The following MYBPC1 variants were observed in gnomAD, a reference collection of about 807,000 sequenced individuals.
The protein encoded by MYBPC1 is myosin-binding protein C, slow-type.
A neutral mutation model predicts 147.1 loss-of-function variants in MYBPC1; 52 were observed. The ratio of observed to expected loss-of-function variants is 0.35; its 90% CI spans 0.28 to 0.45. MYBPC1 has a LOEUF of 0.45. MYBPC1 is among the 20% of genes least tolerant of loss of function. MYBPC1 has a pLI of 1.00. For synonymous variants in MYBPC1, 477 were observed against 475.9 expected (o/e 1.00, Z -0.03); for missense variants, 1,228 against 1,440.3 (o/e 0.85, Z 2.39).
the MYBPC1 span, among the ~76,000 whole-genome samples, chr12:101,691,055 C>T: frequency 6.6e-5 from 10 of 152,032 alleles, no homozygotes; most frequent in Non-Finnish European, 1.2e-4. Flanking sequence ...GCAAGCCTAG[C>T]CAGGTGATTT....
chr12:101,616,123 A>G (rs1885994156), intron 2 of MYBPC1, among the ~76,000 whole-genome samples: 1 of 152,176 alleles, frequency 6.6e-6, no homozygotes, highest in Admixed American at 6.5e-5. Flanking sequence ...AAGTATTACT[A>G]TGTGTCGAAA....
At chr12:101,651,153 A>G (rs570659990) in intron 15 of MYBPC1, 78 bp from the exon 16 acceptor site, 99 of 1,474,780 alleles carry the variant, frequency 6.7e-5, no homozygotes, top group Middle Eastern at 5.1e-4. Flanking sequence ...AGAGCTCACT[A>G]TACCATTGTG....
the MYBPC1 span, among the ~76,000 whole-genome samples, chr12:101,691,264 G>A: frequency 1.3e-5 from 2 of 152,208 alleles, no homozygotes; most frequent in Admixed American, 1.3e-4. Flanking sequence ...TAGCGACTGG[G>A]CTTCACCGTT....
At chr12:101,676,311 C>T (rs11611478) in intron 26 of MYBPC1, among the ~76,000 whole-genome samples, 22,252 of 152,092 alleles carry the variant, frequency 0.15, 2,059 homozygotes, top group East Asian at 0.29. Context: ...GATTTTCTCA[C>T]GCCTGAAATC....
At chr12:101,668,036 A>G in intron 23 of MYBPC1, 137 bp downstream of exon 23, 1 of 1,026,222 alleles carries the variant, frequency 9.7e-7, no homozygotes, top group Admixed American at 2.1e-5. Flanking sequence ...AATGCTTCCT[A>G]AGAGTTAGAA....
At chr12:101,647,057 C>G (rs1204908431) in intron 13 of MYBPC1, 170 bp downstream of exon 13, 3 of 785,676 alleles carry the variant, frequency 3.8e-6, no homozygotes, top group East Asian at 5.4e-5. Context: ...GAAAGAGAAC[C>G]TGTTGAGTAC....
At position 101,629,494 on chromosome 12, in the gene MYBPC1, A is replaced by G. The variant is rs752614924; in HGVS notation, c.239A>G (p.Gln80Arg). ...EEQAKQNANS[Q>R]LSILFIEKPQ... ...CAAGCCAAGCAGAATGCCAACTCCC[A>G]GCTGTCCATCTTGTTCATTGAAAAA... Residue 80 changes from glutamine (Q) to arginine (R), a missense_variant, in exon 6 of 32, where the codon CAG becomes CGG. Transcript: ENST00000361466. The G allele has an allele frequency of 6.2e-7, 1 of 1,614,048 alleles. No individual in the cohort carries two copies. Among genetic ancestry groups the G allele is most frequent in the South Asian group, 1.1e-5 (1 of 91,086 alleles).
chr12:101,671,003 C>T (rs1898548166), intron 24 of MYBPC1, among the ~76,000 whole-genome samples: 1 of 141,210 alleles, frequency 7.1e-6, no homozygotes, highest in Non-Finnish European at 1.6e-5. Flanking sequence ...ACACACCCTG[C>T]ACCTCCCAAC....
chr12:101,640,767 C>T (rs1308406546), intron 10 of MYBPC1, among the ~76,000 whole-genome samples: 1 of 152,136 alleles, frequency 6.6e-6, no homozygotes, highest in East Asian at 1.9e-4. Context: ...ATAATCTCCT[C>T]CCCTCCCCTG....
chr12:101,681,745 A>G (rs950890909), intron 29 of MYBPC1, among the ~76,000 whole-genome samples: 1 of 150,106 alleles, frequency 6.7e-6, no homozygotes, highest in Non-Finnish European at 1.5e-5. Context: ...AGTAGCTGGG[A>G]TTACAGGCAT....
At chr12:101,596,409 C>T (rs890238447) in intron 1 of MYBPC1, among the ~76,000 whole-genome samples, 1 of 152,210 alleles carries the variant, frequency 6.6e-6, no homozygotes, top group African/African-American at 2.4e-5. Flanking sequence ...AAATGATTTA[C>T]GTGTGTACTA....
Position 101,680,480 on chromosome 12 carries a change from A to G in MYBPC1, c.3384A>G (p.Ala1128=), listed in dbSNP as rs1950868803. ...ATGGAGGCACTTACTGCTGCAAAGC[A>G]GTCAATGACCTTGGGACAGTGGAGA... is the stretch of plus-strand genomic sequence containing the variant. ...PYDGGTYCCK[A]VNDLGTVEIE... The change falls in exon 29 of 32, where the codon GCA becomes GCG. Residue 1128 remains alanine, a synonymous_variant. Coordinates refer to ENST00000361466, the MANE Select transcript of MYBPC1 (RefSeq NM_002465.4). 1.2e-6 allele frequency: 2 copies of G among 1,614,190 alleles called. No individual in the cohort carries two copies. Among genetic ancestry groups the G allele is most frequent in the Middle Eastern group, 3.3e-4 (2 of 6,062 alleles).
At chr12:101,658,501 C>T (rs950470661) in intron 18 of MYBPC1, among the ~76,000 whole-genome samples, 1 of 152,124 alleles carries the variant, frequency 6.6e-6, no homozygotes, top group African/African-American at 2.4e-5. Context: ...GAGTATCCTC[C>T]TGTCACCACT....
intron 3 of MYBPC1, among the ~76,000 whole-genome samples, chr12:101,617,592 GT>G (rs61669794): frequency 1.3e-5 from 2 of 151,210 alleles, no homozygotes; most frequent in Admixed American, 6.6e-5. Context: ...GAATTACCCG[GT>G]TTTTTTTTAA....
chr12:101,672,928 C>G (rs374524058), intron 24 of MYBPC1, among the ~76,000 whole-genome samples: 2 of 152,222 alleles, frequency 1.3e-5, no homozygotes, highest in East Asian at 1.9e-4. Flanking sequence ...TCTTTATAAC[C>G]ACTCTTTGAG....
intron 17 of MYBPC1, 65 bp downstream of exon 17, chr12:101,652,849 A>C (rs1894769327): frequency 1.5e-6 from 2 of 1,361,852 alleles, no homozygotes; most frequent in Non-Finnish European, 2.1e-6. Flanking sequence ...CTTACCATGG[A>C]ATTATAATAT....
At chr12:101,634,789 A>G (rs1478822506) in intron 9 of MYBPC1, among the ~76,000 whole-genome samples, 184 bp downstream of exon 9, 1 of 152,204 alleles carries the variant, frequency 6.6e-6, no homozygotes, top group Admixed American at 6.5e-5. Flanking sequence ...AGTCAAGCAT[A>G]TACTGACCAT....
chr12:101,667,998 T>A (rs1897804025), intron 23 of MYBPC1, 99 bp downstream of exon 23: 1 of 1,345,154 alleles, frequency 7.4e-7, no homozygotes, highest in Non-Finnish European at 1.0e-6. Context: ...ATTTTGTTGT[T>A]ACTCCTTTGA....
chr12:101,605,604 T>C (rs554965639), intron 1 of MYBPC1, among the ~76,000 whole-genome samples: 129 of 152,318 alleles, frequency 8.5e-4, no homozygotes, highest in African/African-American at 2.9e-3. Context: ...CTCATGCCTA[T>C]AAACTCAGCA....
Sources: allele counts gnomAD v4.1 joint callset (sites outside exome capture counted in the v4.1 genomes callset), GRCh38; gene constraint gnomAD v4.1.1; transcripts MANE v1.5; gene names NCBI Gene and HGNC (gene_info 2026-07-23, HGNC 2026-07-21).